IGF2BP2: variants seen among roughly 807,000 people sequenced by gnomAD.
IGF2BP2 encodes insulin like growth factor 2 mRNA binding protein 2.
IGF2BP2 carries 17 observed loss-of-function variants against 75.8 expected under a neutral mutation model. The observed-to-expected ratio is 0.22, with a 90% CI of 0.15 to 0.34. IGF2BP2 has a LOEUF of 0.34. IGF2BP2 is among the 10% of genes least tolerant of loss of function. IGF2BP2 has a pLI of 1.00. For missense variants in IGF2BP2, 516 were observed against 772.4 expected, an observed-to-expected ratio of 0.67 and a Z score of 3.93; for synonymous variants, 288 against 295.6, an observed-to-expected ratio of 0.97 and a Z score of 0.26.
intron 2 of IGF2BP2, among the ~76,000 whole-genome samples, chr3:185,757,912 G>A (rs987710385): frequency 1.3e-5 from 2 of 152,194 alleles, no homozygotes; most frequent in Non-Finnish European, 2.9e-5. Flanking sequence ...TGACCTGCCC[G>A]TGACAACAGC....
At chr3:185,676,812 GAT>G (rs201296916) in intron 7 of IGF2BP2, among the ~76,000 whole-genome samples, 10 of 112,798 alleles carry the variant, frequency 8.9e-5, no homozygotes, top group African/African-American at 2.6e-4. Flanking sequence ...ATTTACTGGA[GAT>G]ATATATATAT....
intron 2 of IGF2BP2, chr3:185,717,983 A>G (rs896568782): frequency 1.3e-5 from 2 of 152,260 alleles, no homozygotes; most frequent in African/African-American, 4.8e-5. Context: ...TGTCCCAGAC[A>G]TGATCTCTTG....
chr3:185,699,090 C>T (rs1001446760), intron 2 of IGF2BP2, among the ~76,000 whole-genome samples: 23 of 152,152 alleles, frequency 1.5e-4, no homozygotes, highest in Non-Finnish European at 7.4e-5. Flanking sequence ...TTTGGGATTA[C>T]AGGCGTGAGC....
chr3:185,736,794 C>T (rs1026227792), intron 2 of IGF2BP2, among the ~76,000 whole-genome samples: 1 of 152,154 alleles, frequency 6.6e-6, no homozygotes, highest in African/African-American at 2.4e-5. Flanking sequence ...GGGGACATGC[C>T]TGAATTTGGC....
At chr3:185,713,548 A>T in intron 2 of IGF2BP2, 1 of 507,350 alleles carries the variant, frequency 2.0e-6, no homozygotes, top group Non-Finnish European at 3.9e-6. Context: ...CTGGTGAGAC[A>T]TCAGAATGAA....
intron 10 of IGF2BP2, among the ~76,000 whole-genome samples, chr3:185,664,395 T>C (rs1036022913): frequency 2.6e-5 from 4 of 152,158 alleles, no homozygotes; most frequent in Non-Finnish European, 5.9e-5. Context: ...TTGAATGCAT[T>C]TAAATATATA....
At chr3:185,774,607 AG>A in intron 2 of IGF2BP2, among the ~76,000 whole-genome samples, 1 of 142,880 alleles carries the variant, frequency 7.0e-6, no homozygotes, top group Non-Finnish European at 1.5e-5. Flanking sequence ...AAAAAAAAAA[AG>A]AAAAGAAAAG....
Position 185,726,753 on chromosome 3 carries a change from G to T in IGF2BP2, c.240-28406C>A, listed in dbSNP as rs75443192. Among the ~76,000 whole-genome samples, 83 of 152,308 alleles carry T rather than the reference G, an allele frequency of 5.4e-4. No homozygotes were observed. The East Asian group carries it at 0.014, about 26-fold the overall frequency. Reference sequence around the variant, plus strand: ...CCTTCTGTGTGGGGAAGTCCAGTTGGCTAGATTCCTTTTGTGTCAGTAACA... The same window carrying T: ...CCTTCTGTGTGGGGAAGTCCAGTTGTCTAGATTCCTTTTGTGTCAGTAACA... On this transcript the variant is annotated intron_variant, in intron 2 of 15. Transcript: ENST00000382199.
At chr3:185,818,526 TCTC>T (rs1740899473) in intron 2 of IGF2BP2, among the ~76,000 whole-genome samples, 1 of 152,118 alleles carries the variant, frequency 6.6e-6, no homozygotes, top group African/African-American at 2.4e-5. Context: ...CAATTAAAGA[TCTC>T]CTGCTGCCTC....
At chr3:185,687,573 T>G (rs1203867809) in intron 6 of IGF2BP2, among the ~76,000 whole-genome samples, 2 of 152,240 alleles carry the variant, frequency 1.3e-5, no homozygotes, top group Non-Finnish European at 2.9e-5. Flanking sequence ...GTCTCTGAAC[T>G]GATTGCAGCT....
At chr3:185,784,524 C>T (rs1735617114) in intron 2 of IGF2BP2, among the ~76,000 whole-genome samples, 1 of 152,240 alleles carries the variant, frequency 6.6e-6, no homozygotes, top group African/African-American at 2.4e-5. Context: ...CCTCCACACA[C>T]TACCCTCTGA....
chr3:185,748,722 G>C (rs1287404920), intron 2 of IGF2BP2, among the ~76,000 whole-genome samples: 1 of 152,120 alleles, frequency 6.6e-6, no homozygotes, highest in African/African-American at 2.4e-5. Flanking sequence ...AGTCACCCTG[G>C]TAAGTCTCAT....
intron 2 of IGF2BP2, among the ~76,000 whole-genome samples, chr3:185,760,222 C>T (rs1387796697): frequency 6.6e-6 from 1 of 152,154 alleles, no homozygotes; most frequent in Non-Finnish European, 1.5e-5. Context: ...TCAGTTTCTA[C>T]CCACTATGAC....
At chr3:185,820,923 A>G in intron 2 of IGF2BP2, 1 of 1,357,146 alleles carries the variant, frequency 7.4e-7, no homozygotes, top group Non-Finnish European at 1.0e-6. Context: ...ATTTACTTCT[A>G]ACTTGTTAAT....
intron 11 of IGF2BP2, 94 bp downstream of exon 11, chr3:185,658,247 G>A: frequency 8.4e-7 from 1 of 1,187,974 alleles, no homozygotes; most frequent in Non-Finnish European, 1.3e-6. Context: ...CAGGAGACAA[G>A]ATCTGCATTG....
At chr3:185,809,571 A>C (rs1412990301) in intron 2 of IGF2BP2, among the ~76,000 whole-genome samples, 3 of 152,236 alleles carry the variant, frequency 2.0e-5, no homozygotes, top group East Asian at 3.8e-4. Flanking sequence ...ATGAGGCTGC[A>C]GTGAGCCATG....
chr3:185,741,405 T>C (rs1480007305), intron 2 of IGF2BP2, among the ~76,000 whole-genome samples: 1 of 152,234 alleles, frequency 6.6e-6, no homozygotes, highest in Non-Finnish European at 1.5e-5. Context: ...TTGAACTTCA[T>C]AAATCTCAAA....
At chr3:185,715,149 G>A (rs551631526) in intron 2 of IGF2BP2, among the ~76,000 whole-genome samples, 11 of 152,182 alleles carry the variant, frequency 7.2e-5, no homozygotes, top group Admixed American at 2.6e-4. Flanking sequence ...GGCAGAATAC[G>A]CCAATGGGAA....
chr3:185,687,277 C>T, intron 6 of IGF2BP2, 86 bp from the exon 7 acceptor site: 1 of 1,365,534 alleles, frequency 7.3e-7, no homozygotes, highest in Non-Finnish European at 9.9e-7. Flanking sequence ...AACCCATGTA[C>T]AGCAAGGACA....
Sources: gnomAD v4.1 joint callset for allele counts (sites outside exome capture counted in the v4.1 genomes callset) on GRCh38, gnomAD v4.1.1 for gene constraint, MANE v1.5 for transcripts, NCBI Gene and HGNC (gene_info 2026-07-23, HGNC 2026-07-21) for gene names.